The following SCLT1 variants were observed in gnomAD, a reference collection of about 807,000 sequenced individuals.
The protein encoded by SCLT1 is sodium channel-associated protein 1.
In SCLT1, 78 loss-of-function variants were observed where a neutral mutation model predicts 112.8. The ratio of observed to expected loss-of-function variants is 0.69; its 90% CI spans 0.58 to 0.83. The LOEUF is 0.83. Ranked by LOEUF, SCLT1 falls within the 40% of genes least tolerant of loss-of-function variation. The probability of loss-of-function intolerance (pLI) is 0.00; values close to 1 mark genes in which losing one functional copy is unlikely to be tolerated. For missense variants in SCLT1, 747 were observed against 770.4 expected (o/e 0.97, Z 0.36); for synonymous variants, 257 against 254.7 (o/e 1.01, Z -0.09).
chr4:129,049,017 T>C, intron 2 of SCLT1, among the ~76,000 whole-genome samples: 1 of 151,816 alleles, frequency 6.6e-6, no homozygotes, highest in Non-Finnish European at 1.5e-5. Context: ...TAGGAACACT[T>C]TGACACTGTT....
At chr4:129,020,550 G>C (rs575260980) in intron 5 of SCLT1, among the ~76,000 whole-genome samples, 5 of 152,346 alleles carry the variant, frequency 3.3e-5, no homozygotes, top group Admixed American at 3.3e-4. Context: ...AGAGAAGAGA[G>C]AGAATCAGTC....
intron 18 of SCLT1, among the ~76,000 whole-genome samples, chr4:128,935,899 C>T (rs112121735): frequency 2.6e-3 from 403 of 152,084 alleles, no homozygotes; most frequent in Middle Eastern, 0.01. Context: ...TTATTGTAAT[C>T]TCCTCCCTGA....
chr4:129,082,784 A>G (rs1752056366), intron 1 of SCLT1, among the ~76,000 whole-genome samples: 1 of 152,236 alleles, frequency 6.6e-6, no homozygotes, highest in Non-Finnish European at 1.5e-5. Context: ...AAACTCTTCC[A>G]GGACAAACCT....
At position 128,888,718 on chromosome 4, in the gene SCLT1, T is replaced by C. The variant is rs774255275; in HGVS notation, c.1965A>G (p.Leu655=). The change falls in exon 20 of 21, where the codon CTA becomes CTG. Residue 655 remains leucine, a synonymous_variant. Transcript: ENST00000281142. The part of the protein sequence containing the change: ...QEKANRLQRR[L]SQAEERAASA... The stretch of plus-strand genomic sequence containing the variant: ...AAGCAGCTCTCTCTTCTGCCTGACT[T>C]AGACGCCTTTGAAGTCTGTTGGCTT... The C allele has an allele frequency of 8.7e-6, 14 of 1,613,378 alleles. No individual in the cohort carries two copies. Among genetic ancestry groups the C allele is most frequent in the Non-Finnish European group, 1.2e-5 (14 of 1,179,536 alleles).
intron 11 of SCLT1, among the ~76,000 whole-genome samples, chr4:128,960,327 T>TA (rs759135104): frequency 2.0e-5 from 3 of 152,100 alleles, no homozygotes; most frequent in Non-Finnish European, 4.4e-5. Flanking sequence ...TACATACAGG[T>TA]AATGACAGGA....
At chr4:128,883,157 C>CAAAAAAAACAAAA (rs1732683514), downstream of SCLT1, among the ~76,000 whole-genome samples, 1 of 57,704 alleles carries the variant, frequency 1.7e-5, no homozygotes, top group Non-Finnish European at 2.8e-5. Flanking sequence ...ACAACAACAA[C>CAAAAAAAACAAAA]AAAAAAAAAA....
intron 1 of SCLT1, among the ~76,000 whole-genome samples, chr4:129,089,801 G>A (rs1752678302): frequency 1.3e-5 from 2 of 152,096 alleles, no homozygotes; most frequent in African/African-American, 4.8e-5. Flanking sequence ...CTCATAAGTG[G>A]GAGCTGAACA....
intron 5 of SCLT1, among the ~76,000 whole-genome samples, chr4:129,022,118 C>CG (rs1245673111): frequency 6.6e-6 from 1 of 152,118 alleles, no homozygotes; most frequent in Non-Finnish European, 1.5e-5. Context: ...AAGACCCCCC[C>CG]ACAAAAAGCC....
intron 8 of SCLT1, among the ~76,000 whole-genome samples, chr4:128,995,472 G>T (rs1471055684): frequency 6.6e-6 from 1 of 152,004 alleles, no homozygotes; most frequent in Non-Finnish European, 1.5e-5. Context: ...TTATTTCTTT[G>T]TATGGAACAT....
At chr4:129,060,862 C>G (rs1320330903) in intron 2 of SCLT1, among the ~76,000 whole-genome samples, 1 of 152,048 alleles carries the variant, frequency 6.6e-6, no homozygotes, top group Non-Finnish European at 1.5e-5. Context: ...TTTCATCTAT[C>G]CTTTGTGGTA....
chr4:128,883,025 A>G (rs1220085147), downstream of SCLT1, among the ~76,000 whole-genome samples: 2 of 151,838 alleles, frequency 1.3e-5, no homozygotes, highest in Non-Finnish European at 2.9e-5. Context: ...GGGTGCCTGT[A>G]ATCCCAGCTA....
chr4:129,066,515 T>C (rs1416598155), intron 2 of SCLT1, among the ~76,000 whole-genome samples: 1 of 152,030 alleles, frequency 6.6e-6, no homozygotes, highest in East Asian at 1.9e-4. Flanking sequence ...CTAGTAAATC[T>C]TAAGATAACG....
intron 2 of SCLT1, among the ~76,000 whole-genome samples, chr4:129,048,718 G>A (rs36195612): frequency 0.27 from 41,759 of 151,880 alleles, 6,044 homozygotes; most frequent in South Asian, 0.35. Context: ...GAAAATTTTC[G>A]CAACCTACTC....
At chr4:128,910,521 C>T (rs1735012406) in intron 18 of SCLT1, among the ~76,000 whole-genome samples, 5 of 151,958 alleles carry the variant, frequency 3.3e-5, no homozygotes, top group Admixed American at 2.6e-4. Context: ...TTCCAGTATC[C>T]CATTTGTCAT....
At chr4:128,938,878 A>G (rs551729265) in intron 17 of SCLT1, among the ~76,000 whole-genome samples, 3 of 152,196 alleles carry the variant, frequency 2.0e-5, no homozygotes, top group Admixed American at 2.0e-4. Context: ...GCTACTCAGG[A>G]GGGTGAGGCA....
chr4:128,886,238 A>G (rs1016084555), intron 20 of SCLT1, among the ~76,000 whole-genome samples: 1 of 152,226 alleles, frequency 6.6e-6, no homozygotes, highest in Non-Finnish European at 1.5e-5. Flanking sequence ...TGGATGAATA[A>G]CGTGTAGAGA....
chr4:129,048,866 G>A (rs1341361587), intron 2 of SCLT1, among the ~76,000 whole-genome samples: 1 of 151,982 alleles, frequency 6.6e-6, no homozygotes, highest in Non-Finnish European at 1.5e-5. Flanking sequence ...GCAGCCAAAA[G>A]ACACATGAAA....
intron 18 of SCLT1, among the ~76,000 whole-genome samples, chr4:128,932,161 T>C (rs1736827452): frequency 6.6e-6 from 1 of 152,170 alleles, no homozygotes; most frequent in Admixed American, 6.6e-5. Context: ...ATGACAATAA[T>C]AGATTTGTCT....
At chr4:128,949,705 G>A (rs1385186364) in intron 14 of SCLT1, among the ~76,000 whole-genome samples, 1 of 152,104 alleles carries the variant, frequency 6.6e-6, no homozygotes, top group Non-Finnish European at 1.5e-5. Flanking sequence ...CAAAGGACAT[G>A]AACTCATCCT....
Sources: gnomAD v4.1 joint callset for allele counts (sites outside exome capture counted in the v4.1 genomes callset) on GRCh38, gnomAD v4.1.1 for gene constraint, MANE v1.5 for transcripts, NCBI Gene and HGNC (gene_info 2026-07-23, HGNC 2026-07-21) for gene names.